Variants in GALNT17 observed in about 807,000 individuals in gnomAD.
The protein encoded by GALNT17 is UDP-GalNAc:polypeptide N-acetylgalactosaminyltransferase-like 3.
A neutral mutation model predicts 63.7 loss-of-function variants in GALNT17; 29 were observed. The ratio of observed to expected loss-of-function variants is 0.46; its 90% CI spans 0.34 to 0.62. The LOEUF is 0.62. Among genes scored for constraint, GALNT17 ranks in the 20% least tolerant of loss-of-function variants. The pLI is 0.01. For missense variants in GALNT17, 603 were observed against 799.6 expected (o/e 0.75, Z 2.97); for synonymous variants, 305 against 318.3 (o/e 0.96, Z 0.45).
At chr7:71,699,882 A>G (rs1791604303) in intron 9 of GALNT17, among the ~76,000 whole-genome samples, 1 of 152,042 alleles carries the variant, frequency 6.6e-6, no homozygotes, top group Admixed American at 6.6e-5. Context: ...GCAATTAACT[A>G]TGATCACTTT....
At chr7:71,283,153 C>G (rs1052367448) in intron 1 of GALNT17, among the ~76,000 whole-genome samples, 2 of 151,750 alleles carry the variant, frequency 1.3e-5, no homozygotes, top group Admixed American at 6.6e-5. Context: ...TGCCTCAGCC[C>G]CCCCCAAGTA....
At position 71,376,442 on chromosome 7, in the gene GALNT17, T is replaced by G. The variant is rs1340541651; in HGVS notation, c.423-11793T>G. ...TTGGAGTTGTTTTTTTTTTTTTTTT[T>G]TTTTTTTTTTTGCTTTAGTTGAATT... On this transcript the variant is annotated intron_variant, in intron 2 of 10. Coordinates refer to ENST00000333538, the MANE Select transcript of GALNT17 (RefSeq NM_022479.3). Among the ~76,000 whole-genome samples the G allele has an allele frequency of 4.8e-5, 7 of 145,498 alleles. No individual in the cohort carries two copies. In the Admixed American group the frequency reaches 4.8e-4, roughly 10 times the overall value.
intron 9 of GALNT17, among the ~76,000 whole-genome samples, chr7:71,687,605 C>T (rs1283061756): frequency 6.6e-6 from 1 of 152,174 alleles, no homozygotes; most frequent in Non-Finnish European, 1.5e-5. Flanking sequence ...AAGAAGCAAA[C>T]TTGATCATCC....
intron 1 of GALNT17, among the ~76,000 whole-genome samples, chr7:71,264,036 G>T (rs1395330251): frequency 6.6e-6 from 1 of 152,210 alleles, no homozygotes; most frequent in East Asian, 1.9e-4. Flanking sequence ...TGGTCTTGGG[G>T]ACTATCGTTT....
At chr7:71,501,821 G>A (rs997333419) in intron 5 of GALNT17, among the ~76,000 whole-genome samples, 1 of 152,100 alleles carries the variant, frequency 6.6e-6, no homozygotes, top group Non-Finnish European at 1.5e-5. Flanking sequence ...CACAACAAAT[G>A]GCTGCATCTT....
intron 1 of GALNT17, among the ~76,000 whole-genome samples, chr7:71,263,671 C>G (rs1252793193): frequency 1.3e-5 from 2 of 152,008 alleles, no homozygotes; most frequent in Admixed American, 6.6e-5. Flanking sequence ...TGCCTGTAAT[C>G]CCAGCACTTT....
intron 9 of GALNT17, among the ~76,000 whole-genome samples, chr7:71,707,923 T>C (rs1444836722): frequency 6.6e-6 from 1 of 152,164 alleles, no homozygotes; most frequent in Non-Finnish European, 1.5e-5. Flanking sequence ...CATTTCTTGA[T>C]GGAAATTGCT....
chr7:71,232,379 G>T (rs949116922), intron 1 of GALNT17, among the ~76,000 whole-genome samples: 13 of 152,218 alleles, frequency 8.5e-5, no homozygotes, highest in African/African-American at 3.1e-4. Context: ...GTGCAGCCTT[G>T]CAGAACATGC....
intron 2 of GALNT17, among the ~76,000 whole-genome samples, chr7:71,363,495 C>T (rs370693831): frequency 3.3e-5 from 5 of 152,306 alleles, no homozygotes; most frequent in East Asian, 3.9e-4. Flanking sequence ...CTCTGGACAG[C>T]TCCATCACCC....
At chr7:71,266,692 A>G (rs144840278) in intron 1 of GALNT17, among the ~76,000 whole-genome samples, 49 of 152,218 alleles carry the variant, frequency 3.2e-4, no homozygotes, top group Middle Eastern at 3.4e-3. Flanking sequence ...GGATATCTAT[A>G]GGGGGTCATG....
chr7:71,479,322 TC>T (rs1203725632), intron 5 of GALNT17, among the ~76,000 whole-genome samples: 1 of 152,154 alleles, frequency 6.6e-6, no homozygotes, highest in Non-Finnish European at 1.5e-5. Flanking sequence ...GTTATTTTTT[TC>T]CCCACTCAGT....
chr7:71,133,610 C>T (rs1787728768), intron 1 of GALNT17, among the ~76,000 whole-genome samples: 1 of 152,276 alleles, frequency 6.6e-6, no homozygotes, highest in East Asian at 1.9e-4. Flanking sequence ...GCCTGTGTTT[C>T]TCCTTGGGGG....
intron 1 of GALNT17, among the ~76,000 whole-genome samples, chr7:71,182,119 G>A (rs563619261): frequency 6.6e-6 from 1 of 152,298 alleles, no homozygotes; most frequent in African/African-American, 2.4e-5. Context: ...AGGTTGCAGT[G>A]AGCCAAGATA....
chr7:71,241,764 C>G (rs1268595430), intron 1 of GALNT17, among the ~76,000 whole-genome samples: 1 of 152,076 alleles, frequency 6.6e-6, no homozygotes, highest in East Asian at 1.9e-4. Context: ...TGATGTGAAC[C>G]TGTAGTCCCA....
At position 71,437,860 on chromosome 7, in the gene GALNT17, G is replaced by A. The variant is rs974018864; in HGVS notation, c.962+16755G>A. ...TGCCCAAGTAGCTGGGACTACAGGT[G>A]CATGCCATGCCCAGCTAATTATTTT... is the stretch of plus-strand genomic sequence containing the variant. On this transcript the variant is annotated intron_variant, in intron 5 of 10. Coordinates refer to ENST00000333538, the MANE Select transcript of GALNT17 (RefSeq NM_022479.3). Among the ~76,000 whole-genome samples the A allele has an allele frequency of 2.6e-5, 4 of 152,126 alleles. No homozygotes were observed. The East Asian group carries it at 5.8e-4, about 22-fold the overall frequency.
intron 5 of GALNT17, among the ~76,000 whole-genome samples, chr7:71,491,725 C>T (rs1025856772): frequency 3.3e-5 from 5 of 152,216 alleles, no homozygotes; most frequent in Admixed American, 1.3e-4. Context: ...TGGTCAGTTT[C>T]TGATTCCCTA....
At chr7:71,518,061 C>T (rs1458956397) in intron 5 of GALNT17, among the ~76,000 whole-genome samples, 2 of 152,046 alleles carry the variant, frequency 1.3e-5, no homozygotes, top group African/African-American at 4.8e-5. Flanking sequence ...GTGGCTGGAG[C>T]AAGTGAGAGG....
chr7:71,528,891 T>G (rs1001516352), intron 5 of GALNT17, among the ~76,000 whole-genome samples: 7 of 152,222 alleles, frequency 4.6e-5, no homozygotes, highest in Admixed American at 2.6e-4. Flanking sequence ...TCCCAGCACT[T>G]CGGGAGGCCG....
intron 1 of GALNT17, among the ~76,000 whole-genome samples, chr7:71,206,191 A>T (rs1279381867): frequency 6.6e-6 from 1 of 150,720 alleles, no homozygotes; most frequent in Non-Finnish European, 1.5e-5. Flanking sequence ...AAACACACAC[A>T]CCAAGTGGTT....
Sources: allele counts gnomAD v4.1 joint callset (sites outside exome capture counted in the v4.1 genomes callset), GRCh38; gene constraint gnomAD v4.1.1; transcripts MANE v1.5; gene names NCBI Gene and HGNC (gene_info 2026-07-23, HGNC 2026-07-21).